Variants in PCDHAC1 observed in about 807,000 individuals in gnomAD.
The protein encoded by PCDHAC1 is protocadherin alpha subfamily C, 1.
Under a neutral mutation model 60.0 loss-of-function variants are expected in PCDHAC1, and 42 were observed. That is an observed-to-expected ratio of 0.70 (90% CI 0.55 to 0.90). The LOEUF (loss-of-function observed/expected upper bound fraction) is 0.90, where lower values mean the gene tolerates loss of function less well. PCDHAC1 is among the 40% of genes least tolerant of loss of function. The pLI, the probability that PCDHAC1 is intolerant of heterozygous loss-of-function variation, is 0.00. For missense variants in PCDHAC1, 1,160 were observed against 1,222.3 expected, an observed-to-expected ratio of 0.95 and a Z score of 0.76; for synonymous variants, 468 against 499.3, an observed-to-expected ratio of 0.94 and a Z score of 0.84.
At chr5:140,969,374 G>A (rs1554231740) in intron 1 of PCDHAC1, 1 of 1,606,076 alleles carries the variant, frequency 6.2e-7, no homozygotes, top group South Asian at 1.1e-5. Flanking sequence ...TCATGCATTT[G>A]TTACACATCC....
chr5:140,941,316 T>C (rs1479003076), intron 1 of PCDHAC1, among the ~76,000 whole-genome samples: 1 of 135,480 alleles, frequency 7.4e-6, no homozygotes, highest in African/African-American at 2.7e-5. Flanking sequence ...TTTTCTTCTT[T>C]CTCTTTTTTT....
intron 3 of PCDHAC1, among the ~76,000 whole-genome samples, chr5:140,992,867 C>T (rs2097531825): frequency 6.6e-6 from 1 of 152,184 alleles, no homozygotes; most frequent in Admixed American, 6.5e-5. Context: ...CTCTAGCTCC[C>T]TCCTTGATAT....
At chr5:140,965,521 G>T (rs1554227745) in intron 1 of PCDHAC1, among the ~76,000 whole-genome samples, 1 of 150,834 alleles carries the variant, frequency 6.6e-6, no homozygotes, top group African/African-American at 2.4e-5. Flanking sequence ...TAACTGCAAA[G>T]CATTAATGGA....
At chr5:140,982,367 G>A in intron 2 of PCDHAC1, 108 bp from the exon 3 acceptor site, 1 of 1,544,446 alleles carries the variant, frequency 6.5e-7, no homozygotes, top group Non-Finnish European at 8.7e-7. Context: ...AGCAGAATGT[G>A]TTAGCTGCAG....
chr5:140,968,714 G>A, intron 1 of PCDHAC1: 1 of 1,614,150 alleles, frequency 6.2e-7, no homozygotes, highest in South Asian at 1.1e-5. Flanking sequence ...GAAGATGGGA[G>A]ATGAGAGTGG....
At chr5:141,000,361 GTCTC>G (rs148596731) in intron 3 of PCDHAC1, among the ~76,000 whole-genome samples, 1,917 of 26,274 alleles carry the variant, frequency 0.073, 118 homozygotes, top group African/African-American at 0.11. Flanking sequence ...GTCTCTCTCT[GTCTC>G]TCTCTCTCTC....
rs1396431858 is a variant in PCDHAC1, at chr5:141,010,083, T to C, written c.*146T>C. The C allele has an allele frequency of 1.9e-6, 3 of 1,612,132 alleles. No homozygotes were observed. The African/African-American group carries it at 4.0e-5, about 22-fold the overall frequency. On this transcript the variant is annotated 3_prime_UTR_variant, in exon 4 of 4. Coordinates refer to ENST00000253807, the MANE Select transcript of PCDHAC1 (RefSeq NM_018898.5). Reference sequence around the variant, plus strand: ...CTGCAGAAAGTTCCCTGTGTCTGTCTAGAACGCATTTAACAGGTTTTGTCG... The same window carrying C: ...CTGCAGAAAGTTCCCTGTGTCTGTCCAGAACGCATTTAACAGGTTTTGTCG...
chr5:140,954,225 A>G (rs1554221300), intron 1 of PCDHAC1, among the ~76,000 whole-genome samples: 1 of 152,242 alleles, frequency 6.6e-6, no homozygotes, highest in Admixed American at 6.5e-5. Context: ...TGCTATTGTG[A>G]ATAGTGCTGC....
intron 1 of PCDHAC1, among the ~76,000 whole-genome samples, chr5:140,941,239 C>CTTTCTTTCT (rs2092936825): frequency 7.4e-6 from 1 of 134,500 alleles, no homozygotes; most frequent in South Asian, 2.4e-4. Context: ...TTCTTTCTTT[C>CTTTCTTTCT]TTTCTTTCTT....
At chr5:140,930,413 G>A (rs1461655739) in intron 1 of PCDHAC1, 1 of 151,722 alleles carries the variant, frequency 6.6e-6, no homozygotes, top group Non-Finnish European at 1.5e-5. Flanking sequence ...TTTGAGACAG[G>A]GGTCTCACTA....
chr5:140,944,909 C>A (rs1320536064), intron 1 of PCDHAC1, among the ~76,000 whole-genome samples: 1 of 152,136 alleles, frequency 6.6e-6, no homozygotes, highest in African/African-American at 2.4e-5. Flanking sequence ...CCACAAACTT[C>A]TCTTTATATT....
chr5:140,985,233 G>C (rs1447323173), intron 3 of PCDHAC1, among the ~76,000 whole-genome samples: 4 of 152,084 alleles, frequency 2.6e-5, no homozygotes, highest in Non-Finnish European at 5.9e-5. Flanking sequence ...CACCGCGCCT[G>C]GCCTAATCTT....
At position 140,928,788 on chromosome 5, in the gene PCDHAC1, G is replaced by A; in HGVS notation, c.1896G>A (p.Gln632=). Residue 632 remains glutamine (Q), a synonymous_variant, in exon 1 of 4, where the codon CAG becomes CAA. Transcript: ENST00000253807. Reference sequence around the variant, plus strand: ...TTCTTCCCACTGATGCAGTTAAGCAGAGGGTGGTGGTAGTGGTTCGGGACC... The same window carrying A: ...TTCTTCCCACTGATGCAGTTAAGCAAAGGGTGGTGGTAGTGGTTCGGGACC... The part of the protein sequence containing the change: ...RLVLPTDAVK[Q]RVVVVVRDHG... 6.2e-7 allele frequency: 1 copy of A among 1,614,214 alleles called. No homozygotes were observed. The highest frequency in any genetic ancestry group is 1.1e-5 in the South Asian group (1 of 91,090).
chr5:141,009,491 C>G, intron 3 of PCDHAC1, 136 bp from the exon 4 acceptor site: 1 of 1,475,722 alleles, frequency 6.8e-7, no homozygotes, highest in Non-Finnish European at 9.0e-7. Flanking sequence ...GCCTTGCCCT[C>G]AGACTTGAAC....
At chr5:140,966,724 CGCCTCCGGCCCTGCCCGGCT>C (rs1563354102) in intron 1 of PCDHAC1, 1 of 1,396,284 alleles carries the variant, frequency 7.2e-7, no homozygotes, top group Admixed American at 3.3e-5. Flanking sequence ...GGGAAGCTGC[CGCCTCCGGCCCTGCCCGGCT>C]GCCTCCGCCG....
intron 1 of PCDHAC1, among the ~76,000 whole-genome samples, chr5:140,972,550 A>G (rs534377572): frequency 6.6e-6 from 1 of 152,114 alleles, no homozygotes; most frequent in Admixed American, 6.5e-5. Context: ...TGCAGTGAGG[A>G]TTCTGAAGTA....
intron 1 of PCDHAC1, chr5:140,966,378 G>A: frequency 2.5e-6 from 1 of 405,124 alleles, no homozygotes; most frequent in African/African-American, 2.1e-5. Flanking sequence ...AGCAGTCCGG[G>A]TTCGCTGTCC....
chr5:140,944,276 A>C (rs2093633258), intron 1 of PCDHAC1, among the ~76,000 whole-genome samples: 1 of 152,002 alleles, frequency 6.6e-6, no homozygotes, highest in Non-Finnish European at 1.5e-5. Flanking sequence ...CAGCCTTGAC[A>C]CCCCGGGCTC....
chr5:140,943,006 C>G (rs1314561126), intron 1 of PCDHAC1, among the ~76,000 whole-genome samples: 1 of 151,932 alleles, frequency 6.6e-6, no homozygotes, highest in East Asian at 1.9e-4. Context: ...CCTGTAATCC[C>G]AGCACTTTGG....
Sources: gnomAD v4.1 joint callset for allele counts (sites outside exome capture counted in the v4.1 genomes callset) on GRCh38, gnomAD v4.1.1 for gene constraint, MANE v1.5 for transcripts, NCBI Gene and HGNC (gene_info 2026-07-23, HGNC 2026-07-21) for gene names.